Variants in WWOX observed in about 807,000 individuals in gnomAD.
WWOX encodes the protein WW domain-containing oxidoreductase.
Under a neutral mutation model 46.2 loss-of-function variants are expected in WWOX, and 69 were observed. The observed-to-expected ratio is 1.49, with a 90% confidence interval of 1.23 to 1.82. WWOX has a LOEUF of 1.82. WWOX is among the 40% of genes most tolerant of loss of function. The probability of loss-of-function intolerance (pLI) is 0.00; values close to 1 mark genes in which losing one functional copy is unlikely to be tolerated. For missense variants in WWOX, 919 were observed against 542.6 expected (o/e 1.69, Z -6.89); for synonymous variants, 359 against 202.6 (o/e 1.77, Z -6.56).
chr16:78,856,634 C>G (rs563133949), intron 8 of WWOX, among the ~76,000 whole-genome samples: 13 of 152,130 alleles, frequency 8.5e-5, no homozygotes, highest in African/African-American at 1.7e-4. Flanking sequence ...CAGAGCAAGA[C>G]TCTGTCTCAG....
chr16:78,356,450 A>G (rs1413190354), intron 5 of WWOX, among the ~76,000 whole-genome samples: 2 of 152,156 alleles, frequency 1.3e-5, no homozygotes, highest in African/African-American at 4.8e-5. Context: ...GTCCCCAGGC[A>G]GGAAGGAAGG....
At chr16:78,804,369 A>G (rs2050972838) in intron 8 of WWOX, among the ~76,000 whole-genome samples, 1 of 152,166 alleles carries the variant, frequency 6.6e-6, no homozygotes, top group Non-Finnish European at 1.5e-5. Flanking sequence ...TCGGCAGCGA[A>G]CAAAATTAAC....
intron 5 of WWOX, among the ~76,000 whole-genome samples, chr16:78,357,189 T>G (rs1597091506): frequency 6.6e-6 from 1 of 152,298 alleles, no homozygotes; most frequent in East Asian, 1.9e-4. Flanking sequence ...GAGTACTCCT[T>G]ATGAAGGGAG....
chr16:78,636,575 G>A (rs2046577371), intron 8 of WWOX, among the ~76,000 whole-genome samples: 1 of 152,042 alleles, frequency 6.6e-6, no homozygotes, highest in South Asian at 2.1e-4. Flanking sequence ...TTGCTTACTA[G>A]TAATGACCCT....
chr16:79,080,881 A>G (rs1489623642), intron 8 of WWOX, among the ~76,000 whole-genome samples: 1 of 152,198 alleles, frequency 6.6e-6, no homozygotes, highest in African/African-American at 2.4e-5. Context: ...TTTGGCAGGT[A>G]TCCCAACAGA....
chr16:78,842,301 C>G (rs1276463166), intron 8 of WWOX, among the ~76,000 whole-genome samples: 1 of 146,858 alleles, frequency 6.8e-6, no homozygotes, highest in Non-Finnish European at 1.5e-5. Context: ...TGAGACCAGT[C>G]TGGGCAACAT....
chr16:78,945,801 GA>G (rs1226100905), intron 8 of WWOX, among the ~76,000 whole-genome samples: 1 of 152,120 alleles, frequency 6.6e-6, no homozygotes, highest in African/African-American at 2.4e-5. Flanking sequence ...TTGGTAGACA[GA>G]AGCTGTCTTT....
At chr16:78,602,043 A>C (rs1283547728) in intron 8 of WWOX, among the ~76,000 whole-genome samples, 1 of 152,240 alleles carries the variant, frequency 6.6e-6, no homozygotes, top group Non-Finnish European at 1.5e-5. Context: ...TCTTATTAAA[A>C]TGCAGACTTC....
At chr16:78,920,080 CT>C (rs1166860293) in intron 8 of WWOX, among the ~76,000 whole-genome samples, 1 of 152,174 alleles carries the variant, frequency 6.6e-6, no homozygotes, top group African/African-American at 2.4e-5. Flanking sequence ...CATGCCATAG[CT>C]TGCAAAAACA....
intron 8 of WWOX, among the ~76,000 whole-genome samples, chr16:78,523,429 C>T (rs192703488): frequency 1.4e-4 from 22 of 152,216 alleles, no homozygotes; most frequent in African/African-American, 3.6e-4. Flanking sequence ...CAATGCCATC[C>T]GGTAATTACC....
intron 8 of WWOX, among the ~76,000 whole-genome samples, chr16:78,950,289 C>A (rs184458779): frequency 1.3e-5 from 2 of 151,832 alleles, no homozygotes; most frequent in East Asian, 3.9e-4. Flanking sequence ...TGGAGTGGGG[C>A]GGTATTAGTC....
chr16:78,104,225 G>T (rs2031987092), intron 1 of WWOX, among the ~76,000 whole-genome samples: 1 of 110,014 alleles, frequency 9.1e-6, no homozygotes, highest in Non-Finnish European at 1.9e-5. Context: ...CTTACACTGT[G>T]CTCAAAACAC....
chr16:79,090,719 C>G (rs1001077095), intron 8 of WWOX, among the ~76,000 whole-genome samples: 1 of 152,110 alleles, frequency 6.6e-6, no homozygotes, highest in East Asian at 1.9e-4. Context: ...ACATGCTCGG[C>G]GGGGCCCAGG....
intron 8 of WWOX, among the ~76,000 whole-genome samples, chr16:79,207,797 T>C (rs1246595503): frequency 2.0e-5 from 3 of 152,028 alleles, no homozygotes; most frequent in African/African-American, 7.2e-5. Context: ...GCTTTTTTTT[T>C]CTTTACCATA....
chr16:78,908,638 G>T (rs2045029785), intron 8 of WWOX, among the ~76,000 whole-genome samples: 1 of 152,120 alleles, frequency 6.6e-6, no homozygotes, highest in Non-Finnish European at 1.5e-5. Flanking sequence ...CTCAGGGATA[G>T]AGATTTTTAA....
chr16:78,191,859 G>C (rs2035893528), intron 5 of WWOX, among the ~76,000 whole-genome samples: 1 of 152,156 alleles, frequency 6.6e-6, no homozygotes, highest in Admixed American at 6.5e-5. Flanking sequence ...ACTTTCCTCA[G>C]GAGTGATGGA....
At chr16:78,439,769 G>T (rs1597087909) in intron 8 of WWOX, among the ~76,000 whole-genome samples, 1 of 152,334 alleles carries the variant, frequency 6.6e-6, no homozygotes, top group South Asian at 2.1e-4. Context: ...TGCTGAGGCA[G>T]CAAGGGTTGT....
At chr16:78,289,211 C>T (rs2079820421) in intron 5 of WWOX, among the ~76,000 whole-genome samples, 1 of 152,096 alleles carries the variant, frequency 6.6e-6, no homozygotes, top group African/African-American at 2.4e-5. Context: ...TGCTGATGTT[C>T]AAGTTGAATA....
chr16:78,630,535 T>C (rs1368865595), intron 8 of WWOX, among the ~76,000 whole-genome samples: 5 of 152,222 alleles, frequency 3.3e-5, no homozygotes, highest in Non-Finnish European at 5.9e-5. Context: ...CAATACTTCA[T>C]ATATATTTTC....
Sources: allele counts gnomAD v4.1 joint callset (sites outside exome capture counted in the v4.1 genomes callset), GRCh38; gene constraint gnomAD v4.1.1; transcripts MANE v1.5; gene names NCBI Gene and HGNC (gene_info 2026-07-23, HGNC 2026-07-21).